The following SHISA9 variants were observed in gnomAD, a reference collection of about 807,000 sequenced individuals.
SHISA9 encodes shisa family member 9, also known as protein shisa-9.
SHISA9 carries 13 observed loss-of-function variants against 38.0 expected under a neutral mutation model. The ratio of observed to expected loss-of-function variants is 0.34; its 90% confidence interval spans 0.22 to 0.54. The LOEUF (loss-of-function observed/expected upper bound fraction) is 0.54, where lower values mean the gene tolerates loss of function less well. SHISA9 is among the 20% of genes least tolerant of loss of function. SHISA9 has a pLI of 0.91. For missense variants in SHISA9, 538 were observed against 575.8 expected (o/e 0.93, Z 0.67); for synonymous variants, 275 against 242.0 (o/e 1.14, Z -1.27).
At chr16:13,560,756 A>G in the SHISA9 span, among the ~76,000 whole-genome samples, 5 of 10,084 alleles carry the variant, frequency 5.0e-4, no homozygotes, top group Non-Finnish European at 7.3e-4. Flanking sequence ...TAAATTAGGA[A>G]AAAAAAAAAA....
At chr16:12,922,681 G>A (rs557582378) in intron 2 of SHISA9, among the ~76,000 whole-genome samples, 5 of 152,104 alleles carry the variant, frequency 3.3e-5, no homozygotes, top group East Asian at 3.9e-4. Flanking sequence ...CACCACACCC[G>A]GTTGATTTTT....
chr16:13,356,378 T>G, the SHISA9 span, among the ~76,000 whole-genome samples: 2 of 152,302 alleles, frequency 1.3e-5, no homozygotes, highest in South Asian at 4.1e-4. Flanking sequence ...TTTTTATATT[T>G]GATGAAAAAG....
At chr16:13,026,282 G>A (rs1031202790) in intron 2 of SHISA9, among the ~76,000 whole-genome samples, 1 of 152,076 alleles carries the variant, frequency 6.6e-6, no homozygotes, top group South Asian at 2.1e-4. Context: ...GTTTCTTTGA[G>A]TTTGATGACG....
intron 2 of SHISA9, among the ~76,000 whole-genome samples, chr16:13,004,962 A>AAAAAGAAAGAAAG (rs59819968): frequency 6.3e-5 from 8 of 127,634 alleles, no homozygotes; most frequent in African/African-American, 2.2e-4. Flanking sequence ...AAAAAAAGAA[A>AAAAAGAAAGAAAG]AAAAGAAAGA....
chr16:13,365,549 C>T, the SHISA9 span, among the ~76,000 whole-genome samples: 1,449 of 151,496 alleles, frequency 9.6e-3, 26 homozygotes, highest in African/African-American at 0.034. Context: ...CTCCGCCTCC[C>T]GGGTTCAAGC....
chr16:13,496,735 A>G, the SHISA9 span, among the ~76,000 whole-genome samples: 2 of 152,188 alleles, frequency 1.3e-5, no homozygotes, highest in African/African-American at 2.4e-5. Flanking sequence ...ACATAAAGCA[A>G]TTAGAAAATA....
the SHISA9 span, among the ~76,000 whole-genome samples, chr16:13,443,285 G>T: frequency 6.6e-6 from 1 of 152,214 alleles, no homozygotes; most frequent in South Asian, 2.1e-4. Flanking sequence ...AATCTTCGGA[G>T]AACTTTTTCT....
At chr16:13,265,971 T>A in the SHISA9 span, among the ~76,000 whole-genome samples, 2 of 152,212 alleles carry the variant, frequency 1.3e-5, no homozygotes, top group African/African-American at 4.8e-5. Flanking sequence ...GAATTTCTGT[T>A]ATTAAGATAT....
chr16:12,960,425 C>G (rs990931040), intron 2 of SHISA9, among the ~76,000 whole-genome samples: 4 of 152,086 alleles, frequency 2.6e-5, no homozygotes, highest in African/African-American at 9.7e-5. Context: ...GATATTTACT[C>G]AAAGGAATAG....
chr16:13,185,473 C>T (rs962639750), intron 2 of SHISA9, among the ~76,000 whole-genome samples: 5 of 152,176 alleles, frequency 3.3e-5, no homozygotes, highest in Non-Finnish European at 5.9e-5. Flanking sequence ...CAAAGTGCTA[C>T]GATTATAGTC....
Position 13,155,844 on chromosome 16 carries a change from A to G in SHISA9, c.692-47550A>G, listed in dbSNP as rs1488544936. On this transcript the variant is annotated intron_variant, in intron 2 of 4. Transcript: ENST00000558583. Reference sequence around the variant, plus strand: ...TCCATGTTCCCTGTATAGTAACAAGAGGATTTCTCTGCTTTTTTTTCTTCC... The same window carrying G: ...TCCATGTTCCCTGTATAGTAACAAGGGGATTTCTCTGCTTTTTTTTCTTCC... 2.6e-5 allele frequency among the ~76,000 whole-genome samples: 4 copies of G among 151,840 alleles called. No homozygotes were observed. In the East Asian group the frequency reaches 5.8e-4, roughly 22 times the overall value.
At chr16:13,047,597 A>C (rs1013179352) in intron 2 of SHISA9, among the ~76,000 whole-genome samples, 2 of 152,300 alleles carry the variant, frequency 1.3e-5, no homozygotes, top group Middle Eastern at 6.8e-3. Context: ...TGCTTACTGC[A>C]TAATGGCTTT....
At chr16:12,928,931 G>A (rs895698854) in intron 2 of SHISA9, among the ~76,000 whole-genome samples, 7 of 152,184 alleles carry the variant, frequency 4.6e-5, no homozygotes, top group African/African-American at 1.7e-4. Context: ...CTGCTAATCA[G>A]CTTAGAAGTG....
chr16:12,944,323 A>G (rs572269243), intron 2 of SHISA9, among the ~76,000 whole-genome samples: 2 of 152,354 alleles, frequency 1.3e-5, no homozygotes, highest in African/African-American at 4.8e-5. Flanking sequence ...ACCTCCAAGC[A>G]GCAACATTTC....
chr16:13,119,134 C>A (rs144821545), intron 2 of SHISA9, among the ~76,000 whole-genome samples: 32 of 151,594 alleles, frequency 2.1e-4, no homozygotes, highest in Admixed American at 1.2e-3. Context: ...TCCCAAAGTG[C>A]GGGATTACAG....
At chr16:13,526,327 CT>C in the SHISA9 span, among the ~76,000 whole-genome samples, 1 of 152,194 alleles carries the variant, frequency 6.6e-6, no homozygotes, top group Non-Finnish European at 1.5e-5. Flanking sequence ...GGTCATGCAG[CT>C]TTTTAGCCTC....
intron 2 of SHISA9, among the ~76,000 whole-genome samples, chr16:13,167,925 A>G (rs567158504): frequency 1.2e-4 from 19 of 152,100 alleles, no homozygotes; most frequent in African/African-American, 3.1e-4. Flanking sequence ...GTGTTGTTCT[A>G]TGTGTTTCAA....
Position 13,235,170 on chromosome 16 carries a change from A to G in SHISA9, c.1036A>G (p.Asn346Asp), listed in dbSNP as rs1567259942. The change falls in exon 5 of 5, where the codon AAT becomes GAT. Residue 346 changes from asparagine (N) to aspartate (D), a missense_variant. Asn to Asp is a conservative substitution (Grantham distance 23, BLOSUM62 1). This residue lies in a region of SHISA9 where 326 missense variants were observed against 305.9 expected (regional missense o/e 1.07). Coordinates refer to ENST00000558583, the MANE Select transcript of SHISA9 (RefSeq NM_001145204.3). ...CCCTGAGCACGGTCCTGCCAAGCAGAATGGACAGAAGTCCCGCACCAACAA... is the reference window on the plus strand; with the variant it reads ...CCCTGAGCACGGTCCTGCCAAGCAGGATGGACAGAAGTCCCGCACCAACAA... ...FSPEHGPAKQ[N>D]GQKSRTNKMP... The G allele has an allele frequency of 6.4e-7, 1 of 1,551,718 alleles. No homozygotes were observed.
intron 2 of SHISA9, among the ~76,000 whole-genome samples, chr16:13,052,551 A>G (rs2073264826): frequency 6.6e-6 from 1 of 152,346 alleles, no homozygotes; most frequent in South Asian, 2.1e-4. Context: ...GAAATAATTG[A>G]GTCTTGAACC....
Sources: allele counts gnomAD v4.1 joint callset (sites outside exome capture counted in the v4.1 genomes callset), GRCh38; gene constraint gnomAD v4.1.1; regional missense constraint gnomAD v4.1.1; transcripts MANE v1.5; gene names NCBI Gene and HGNC (gene_info 2026-07-23, HGNC 2026-07-21).